Variants in TBRG1 observed in about 807,000 individuals in gnomAD.
TBRG1 encodes the protein nuclear interactor of ARF and MDM2.
In TBRG1, 31 loss-of-function variants were observed where a neutral mutation model predicts 44.0. The ratio of observed to expected loss-of-function variants is 0.70; its 90% CI spans 0.53 to 0.95. TBRG1 has a LOEUF of 0.95. TBRG1 is among the 40% of genes least tolerant of loss of function. The pLI is 0.00. For missense variants in TBRG1, 487 were observed against 496.1 expected, an observed-to-expected ratio of 0.98 and a Z score of 0.18; for synonymous variants, 171 against 188.1, an observed-to-expected ratio of 0.91 and a Z score of 0.74.
At chr11:124,625,646 C>A in intron 2 of TBRG1, 25 bp from the exon 3 acceptor site, 1 of 1,542,968 alleles carries the variant, frequency 6.5e-7, no homozygotes, top group South Asian at 1.2e-5. Context: ...GTTCATTTCT[C>A]TGCTCCTTTC....
Position 124,630,763 on chromosome 11 carries a change from C to A in TBRG1, c.855C>A (p.Asn285Lys). 3 of 1,606,370 alleles carry A rather than the reference C, an allele frequency of 1.9e-6. No individual in the cohort carries two copies. Among genetic ancestry groups the A allele is most frequent in the Non-Finnish European group, 1.7e-6 (2 of 1,176,204 alleles). Residue 285 changes from asparagine to lysine, a missense_variant, in exon 7 of 9, where the codon AAC becomes AAA. Transcript: ENST00000441174. ...ISTTMGKLMP[N>K]LLPAGADFFG... is the part of the protein sequence containing the mutation. Reference sequence around the variant, plus strand: ...TGTTTAGGGGGAAACTAATGCCTAACCTGCTTCCAGCTGGAGCTGACTTTT... The same window carrying A: ...TGTTTAGGGGGAAACTAATGCCTAAACTGCTTCCAGCTGGAGCTGACTTTT...
rs1483667480 is a variant in TBRG1, at chr11:124,632,387, C to G, written c.*149C>G. The G allele has an allele frequency of 3.6e-6, 2 of 549,354 alleles. No individual in the cohort carries two copies. Among genetic ancestry groups the G allele is most frequent in the Non-Finnish European group, 6.2e-6 (2 of 322,244 alleles). 34.0% of individuals were successfully genotyped at this position (549,354 alleles called of 1,614,324 possible). On this transcript the variant is annotated 3_prime_UTR_variant, in exon 9 of 9. Transcript: ENST00000441174. ...GAAGGTCCTGTGGTGATGGTTTTCC[C>G]TGGGAAAACCTTCAGCTGCTTTATT...
intron 4 of TBRG1, 127 bp downstream of exon 4, chr11:124,626,736 G>T (rs543606702): frequency 7.9e-5 from 112 of 1,422,516 alleles, no homozygotes; most frequent in Non-Finnish European, 8.3e-5. Context: ...CGTATCTCCA[G>T]TCCCTGCAAA....
At chr11:124,625,072 C>A (rs1006004693) in intron 2 of TBRG1, 71 bp downstream of exon 2, 2 of 1,115,104 alleles carry the variant, frequency 1.8e-6, no homozygotes. Context: ...AATGGTGTTA[C>A]TGCTCTGGAG....
intron 1 of TBRG1, among the ~76,000 whole-genome samples, 168 bp from the exon 2 acceptor site, chr11:124,624,763 C>T (rs1239067606): frequency 6.6e-6 from 1 of 152,158 alleles, no homozygotes; most frequent in Admixed American, 6.5e-5. Context: ...ATAGTAGAAC[C>T]TGACTACCTT....
chr11:124,624,934 A>T lies in TBRG1; in HGVS notation c.154A>T (p.Asn52Tyr). ...ATATTCACATTTTTACTTAAAGGAA[A>T]ATGCTGCTATTTGTGATGAAATTGC... Reference protein sequence around the residue: ...RKAAKATVFENAAICDEIARL... With the variant: ...RKAAKATVFEYAAICDEIARL... Residue 52 changes from asparagine to tyrosine, a missense_variant, in exon 2 of 9, where the codon AAT (asparagine) becomes TAT (tyrosine). Asn to Tyr is a moderately radical substitution (Grantham distance 143, BLOSUM62 -2). Coordinates refer to ENST00000441174, the MANE Select transcript of TBRG1 (RefSeq NM_032811.3). The T allele has an allele frequency of 6.5e-7, 1 of 1,536,750 alleles. No homozygotes were observed. The highest frequency in any genetic ancestry group is 8.8e-7 in the Non-Finnish European group (1 of 1,134,932).
rs1244559002 is a variant in TBRG1 at position 124,625,704 on chromosome 11, T to G, written c.255T>G (p.Ala85=). ...YLLKKLLQLQ[A]LTEGEVQAAA... ...TAAAGAAGCTCCTCCAGCTTCAGGC[T>G]CTAACTGAAGGGGAAGTACAGGCTG... Residue 85 remains alanine, a synonymous_variant, in exon 3 of 9, where the codon GCT becomes GCG. Transcript: ENST00000441174. 6.4e-7 allele frequency: 1 copy of G among 1,553,026 alleles called. No individual in the cohort carries two copies. Among genetic ancestry groups the G allele is most frequent in the Non-Finnish European group, 8.7e-7 (1 of 1,147,614 alleles).
At chr11:124,624,858 G>A (rs1809765243) in intron 1 of TBRG1, 73 bp from the exon 2 acceptor site, 5 of 1,057,638 alleles carry the variant, frequency 4.7e-6, no homozygotes, top group Non-Finnish European at 6.9e-6. Context: ...TTGAAATATG[G>A]ATCCTCTTCC....
In TBRG1 at chr11:124,624,446, A is replaced by T. The variant is rs148832938; in HGVS notation, c.151-485A>T. On this transcript the variant is annotated intron_variant, in intron 1 of 8. Transcript: ENST00000441174. ...TGAAGTTTAAGAATTTTACACACTA[A>T]ATTTGATTTTGTTCTGTCCAGTTTT... Among the ~76,000 whole-genome samples, 15 of 152,160 alleles carry T rather than the reference A, an allele frequency of 9.9e-5. 1 individual carries two copies. Among genetic ancestry groups the T allele is most frequent in the Admixed American group, 9.8e-4 (15 of 15,282 alleles).
rs762209497 is a variant in TBRG1 at position 124,633,984 on chromosome 11, A to G, written c.*1746A>G. On this transcript the variant is annotated 3_prime_UTR_variant, in exon 9 of 9. Coordinates refer to ENST00000441174, the MANE Select transcript of TBRG1 (RefSeq NM_032811.3). ...GCATATACAACTATAGTGTGTACGT[A>G]TACCACATATACATATACTTGTATG... is the stretch of plus-strand genomic sequence containing the variant. The G allele has an allele frequency of 6.6e-6, 1 of 152,272 alleles. No individual in the cohort carries two copies. Among genetic ancestry groups the G allele is most frequent in the Non-Finnish European group, 1.5e-5 (1 of 68,050 alleles). The allele number at this position is 152,272 out of a possible 1,614,324, so 9.4% of individuals were successfully genotyped here.
At chr11:124,627,116 CT>C in intron 5 of TBRG1, 66 bp downstream of exon 5, 1 of 1,094,054 alleles carries the variant, frequency 9.1e-7, no homozygotes, top group Non-Finnish European at 1.4e-6. Flanking sequence ...TATGTATTAC[CT>C]GTTCTGATAC....
rs1217376906 is a variant in TBRG1, at chr11:124,635,722, C to CATAG, written c.*3489_*3492dup. The CATAG allele has an allele frequency of 2.0e-5, 3 of 152,146 alleles. No homozygotes were observed. Among genetic ancestry groups the CATAG allele is most frequent in the Admixed American group, 1.3e-4 (2 of 15,272 alleles). 9.4% of individuals were successfully genotyped at this position (152,146 alleles called of 1,614,324 possible). A position where few individuals can be genotyped will look rare whatever the true frequency, so the allele number is the denominator to read the frequency against. Reference sequence around the variant, plus strand: ...TCACATTAAGGGGAGGAAAGCTACCCATAGATAGTATTCTTACTCCTTTTC... The same window carrying CATAG: ...TCACATTAAGGGGAGGAAAGCTACCCATAGATAGATAGTATTCTTACTCCTTTTC... On this transcript the variant is annotated 3_prime_UTR_variant, in exon 9 of 9. Transcript: ENST00000441174.
At position 124,625,857 on chromosome 11, in the gene TBRG1, T is replaced by A; in HGVS notation, c.408T>A (p.Thr136=). 6 of 1,577,550 alleles carry A rather than the reference T, an allele frequency of 3.8e-6. No individual in the cohort carries two copies. In the South Asian group the frequency reaches 7.1e-5, roughly 19 times the overall value. The change falls in exon 3 of 9, where the codon ACT becomes ACA. Residue 136 remains threonine, a synonymous_variant. Coordinates refer to ENST00000441174, the MANE Select transcript of TBRG1 (RefSeq NM_032811.3). The part of the protein sequence containing the change: ...TGAEEPFGKK[T]KKEKKEKGKE... ...CTGAGGAACCATTTGGGAAGAAAAC[T>A]AAGAAGGAGAAAAAAGAAAAAGGCA...
rs2134326015 is a variant in TBRG1, at chr11:124,625,979, G to C, written c.454+76G>C. 6 of 1,457,770 alleles carry C rather than the reference G, an allele frequency of 4.1e-6. No individual in the cohort carries two copies. In the South Asian group the frequency reaches 9.0e-5, roughly 22 times the overall value. 90.3% of individuals were successfully genotyped at this position (1,457,770 alleles called of 1,614,324 possible). ...CAGTTAGACCTGGTACTAACTGACA[G>C]ACACACACAGCTGCAGATGTACTTA... is the stretch of plus-strand genomic sequence containing the variant. On this transcript the variant is annotated intron_variant, in intron 3 of 8. Coordinates refer to ENST00000441174, the MANE Select transcript of TBRG1 (RefSeq NM_032811.3).
chr11:124,630,175 C>G lies in TBRG1; in HGVS notation c.739-213C>G, dbSNP rs1942577062. 8.2e-6 allele frequency: 4 copies of G among 485,898 alleles called. No homozygotes were observed. In the Admixed American group the frequency reaches 1.3e-4, roughly 16 times the overall value. The allele number at this position is 485,898 out of a possible 1,614,324, so 30.1% of individuals were successfully genotyped here. A position where few individuals can be genotyped will look rare whatever the true frequency, so the allele number is the denominator to read the frequency against. On this transcript the variant is annotated intron_variant, in intron 5 of 8. Coordinates refer to ENST00000441174, the MANE Select transcript of TBRG1 (RefSeq NM_032811.3). The stretch of plus-strand genomic sequence containing the variant: ...CGCTCACTTTTGGAAAGCTGTCAAC[C>G]AAGAAGGGTAGAACTGAAACAGTCA...
chr11:124,629,657 T>TA (rs1410439589), intron 5 of TBRG1, among the ~76,000 whole-genome samples: 10 of 152,208 alleles, frequency 6.6e-5, no homozygotes, highest in South Asian at 2.1e-4. Flanking sequence ...GATATCATTC[T>TA]AAAAAATTAT....
chr11:124,631,976 G>A (rs990856413), intron 8 of TBRG1, 117 bp from the exon 9 acceptor site: 22 of 852,940 alleles, frequency 2.6e-5, no homozygotes, highest in Non-Finnish European at 4.0e-5. Flanking sequence ...AGGCAAAATT[G>A]AGCTGACAAA....
At position 124,623,049 on chromosome 11, in the gene TBRG1, G is replaced by A. The variant is rs1322533729; in HGVS notation, c.-35G>A. 1.3e-5 allele frequency: 20 copies of A among 1,502,376 alleles called. No individual in the cohort carries two copies. Among genetic ancestry groups the A allele is most frequent in the Non-Finnish European group, 1.8e-5 (20 of 1,126,598 alleles). The allele number at this position is 1,502,376 out of a possible 1,614,324, so 93.1% of individuals were successfully genotyped here. On this transcript the variant is annotated 5_prime_UTR_variant, in exon 1 of 9. Coordinates refer to ENST00000441174, the MANE Select transcript of TBRG1 (RefSeq NM_032811.3). ...CTCCCCGACTTAGGATCCGATGCCG[G>A]CAGCGTCCTGGGGCCCCCGTAGCGG...
chr11:124,626,602 T>C lies in TBRG1; in HGVS notation c.584T>C (p.Leu195Pro). The change falls in exon 4 of 9, where the codon CTG (leucine) becomes CCG (proline). Residue 195 changes from leucine (L) to proline (P), a missense_variant. Transcript: ENST00000441174. Reference sequence around the variant, plus strand: ...CTAGGGGGTCTAACAGTATATAGCCTGGGGGAGGTGAGTGAGACCAGCGAT... The same window carrying C: ...CTAGGGGGTCTAACAGTATATAGCCCGGGGGAGGTGAGTGAGACCAGCGAT... ...IGLGGLTVYS[L>P]GEIITDRPGF... The C allele has an allele frequency of 6.4e-7, 1 of 1,551,572 alleles. No individual in the cohort carries two copies. The highest frequency in any genetic ancestry group is 2.0e-5 in the Admixed American group (1 of 50,998).
Sources: gnomAD v4.1 joint callset for allele counts (sites outside exome capture counted in the v4.1 genomes callset) on GRCh38, gnomAD v4.1.1 for gene constraint, MANE v1.5 for transcripts, NCBI Gene and HGNC (gene_info 2026-07-23, HGNC 2026-07-21) for gene names.